The following IFIH1 variants were observed in gnomAD, a reference collection of about 807,000 sequenced individuals.
The protein encoded by IFIH1 is interferon-induced helicase C domain-containing protein 1.
A neutral mutation model predicts 107.4 loss-of-function variants in IFIH1; 125 were observed. The ratio of observed to expected loss-of-function variants is 1.16; its 90% confidence interval spans 1.01 to 1.35. The LOEUF (loss-of-function observed/expected upper bound fraction) is 1.35, where lower values mean the gene tolerates loss of function less well. Ranked by LOEUF, IFIH1 falls within the 40% of genes most tolerant of loss-of-function variation. The pLI, the probability that IFIH1 is intolerant of heterozygous loss-of-function variation, is 0.00. For synonymous variants in IFIH1, 458 were observed against 413.2 expected (o/e 1.11, Z -1.31); for missense variants, 1,333 against 1,213.7 (o/e 1.10, Z -1.46).
At chr2:162,305,431 A>G (rs1270184364) in intron 3 of IFIH1, among the ~76,000 whole-genome samples, 1 of 152,002 alleles carries the variant, frequency 6.6e-6, no homozygotes, top group Non-Finnish European at 1.5e-5. Flanking sequence ...TTAGCCGGGC[A>G]TGGTGGTGGG....
intron 3 of IFIH1, among the ~76,000 whole-genome samples, chr2:162,297,895 C>G (rs961788894): frequency 6.6e-6 from 1 of 151,942 alleles, no homozygotes; most frequent in Non-Finnish European, 1.5e-5. Flanking sequence ...AAAAAAAAAG[C>G]CTTATTTTGC....
intron 3 of IFIH1, among the ~76,000 whole-genome samples, chr2:162,294,527 A>C (rs1683051548): frequency 6.6e-6 from 1 of 151,932 alleles, no homozygotes; most frequent in African/African-American, 2.4e-5. Flanking sequence ...AGGACTTGCA[A>C]AATTTGCTAT....
At chr2:162,289,402 A>G (rs1198939170) in intron 4 of IFIH1, among the ~76,000 whole-genome samples, 1 of 151,838 alleles carries the variant, frequency 6.6e-6, no homozygotes, top group African/African-American at 2.4e-5. Context: ...CAAAAAATGC[A>G]TAGCTTATAA....
At position 162,318,078 on chromosome 2, in the gene IFIH1, C is replaced by T. The variant is rs367851471; in HGVS notation, c.230G>A (p.Arg77Gln). Reference protein sequence around the residue: ...EKGVWHLGWTREFVEALRRTG... With the variant: ...EKGVWHLGWTQEFVEALRRTG... ...TCTCCGGAGGGCCTCCACGAATTCCCGAGTCCAACCAAGGTGCCAGACTCC... is the reference window on the plus strand; with the variant it reads ...TCTCCGGAGGGCCTCCACGAATTCCTGAGTCCAACCAAGGTGCCAGACTCC... Residue 77 changes from arginine (R) to glutamine (Q), a missense_variant, in exon 1 of 16, where the codon CGG becomes CAG. Physicochemically the swap from Arg to Gln is conservative, Grantham distance 43 (BLOSUM62 1). Transcript: ENST00000649979. The T allele has an allele frequency of 1.9e-5, 31 of 1,614,038 alleles. No individual in the cohort carries two copies. Among genetic ancestry groups the T allele is most frequent in the African/African-American group, 2.7e-5 (2 of 74,916 alleles).
intron 2 of IFIH1, among the ~76,000 whole-genome samples, chr2:162,307,374 C>T (rs1315408448): frequency 1.3e-5 from 2 of 152,176 alleles, no homozygotes; most frequent in East Asian, 1.9e-4. Context: ...TTTAGCTTTG[C>T]TCTTGCCATT....
intron 11 of IFIH1, 60 bp from the exon 12 acceptor site, chr2:162,274,004 T>A: frequency 8.6e-7 from 1 of 1,158,548 alleles, no homozygotes; most frequent in Non-Finnish European, 1.2e-6. Flanking sequence ...AATCTTCTAA[T>A]TAGAGGAAGA....
intron 4 of IFIH1, among the ~76,000 whole-genome samples, chr2:162,291,145 T>C (rs1343274944): frequency 6.6e-6 from 1 of 151,768 alleles, no homozygotes; most frequent in Non-Finnish European, 1.5e-5. Context: ...TTAAAGACCT[T>C]AAAATTATAT....
chr2:162,317,765 T>G, intron 1 of IFIH1, 90 bp downstream of exon 1: 1 of 1,027,964 alleles, frequency 9.7e-7, no homozygotes. Context: ...CCCAAAGAGG[T>G]CAAGCACATT....
rs572976197 is a variant in IFIH1 at position 162,311,875 on chromosome 2, G to A, written c.454-942C>T. On this transcript the variant is annotated intron_variant, in intron 1 of 15. Coordinates refer to ENST00000649979, the MANE Select transcript of IFIH1 (RefSeq NM_022168.4). ...ATTTCAGAGTTTCTATATCTTAGCTGCATGTTAGAAACAACCGTAAAGCCT... is the reference window on the plus strand; with the variant it reads ...ATTTCAGAGTTTCTATATCTTAGCTACATGTTAGAAACAACCGTAAAGCCT... 4.6e-5 allele frequency among the ~76,000 whole-genome samples: 7 copies of A among 152,250 alleles called. No individual in the cohort carries two copies. The South Asian group carries it at 1.5e-3, about 32-fold the overall frequency.
intron 3 of IFIH1, among the ~76,000 whole-genome samples, chr2:162,295,109 T>TA (rs1329800648): frequency 6.6e-6 from 1 of 152,006 alleles, no homozygotes. Context: ...TGTATACAGT[T>TA]ACGCAACTAC....
intron 4 of IFIH1, among the ~76,000 whole-genome samples, chr2:162,293,328 C>T (rs751160450): frequency 2.6e-5 from 4 of 151,884 alleles, no homozygotes; most frequent in Non-Finnish European, 5.9e-5. Flanking sequence ...TGGAATGTGG[C>T]ATATGCCAGA....
At chr2:162,306,929 T>A in intron 2 of IFIH1, 74 bp from the exon 3 acceptor site, 5 of 1,361,456 alleles carry the variant, frequency 3.7e-6, no homozygotes, top group Non-Finnish European at 5.1e-6. Context: ...ACTGTTATTG[T>A]TATTTTGAAA....
chr2:162,316,018 G>A (rs962261800), intron 1 of IFIH1, among the ~76,000 whole-genome samples: 2 of 152,180 alleles, frequency 1.3e-5, no homozygotes, highest in Admixed American at 6.5e-5. Flanking sequence ...CAAAAGTCCC[G>A]TTACTCTATA....
rs1690939989 is a variant in IFIH1, at chr2:162,267,153, A to C, written c.*47T>G. The C allele has an allele frequency of 1.6e-6, 2 of 1,268,892 alleles. No homozygotes were observed. The highest frequency in any genetic ancestry group is 2.2e-6 in the Non-Finnish European group (2 of 906,824). The allele number at this position is 1,268,892 out of a possible 1,614,324, so 78.6% of individuals were successfully genotyped here. A position where few individuals can be genotyped will look rare whatever the true frequency, so the allele number is the denominator to read the frequency against. On this transcript the variant is annotated 3_prime_UTR_variant, in exon 16 of 16. Coordinates refer to ENST00000649979, the MANE Select transcript of IFIH1 (RefSeq NM_022168.4). The stretch of plus-strand genomic sequence containing the variant: ...TAATGAATACATTAATCATAATCAT[A>C]TTAAATGTTTAACTGATAGTATTTT...
intron 1 of IFIH1, among the ~76,000 whole-genome samples, chr2:162,314,167 C>A (rs1683428801): frequency 6.6e-6 from 1 of 152,146 alleles, no homozygotes; most frequent in African/African-American, 2.4e-5. Flanking sequence ...TTAGTTATAA[C>A]TAAGATGTAA....
intron 4 of IFIH1, among the ~76,000 whole-genome samples, chr2:162,292,702 A>G (rs776261982): frequency 6.6e-6 from 1 of 151,828 alleles, no homozygotes; most frequent in Non-Finnish European, 1.5e-5. Context: ...CATTTTTCCA[A>G]TGCTTCTTAG....
intron 7 of IFIH1, 85 bp from the exon 8 acceptor site, chr2:162,280,197 A>C: frequency 1.3e-6 from 1 of 745,766 alleles, no homozygotes; most frequent in East Asian, 2.5e-5. Context: ...CATGTAAAAA[A>C]TATGTAGCAT....
At chr2:162,286,860 C>T (rs1045230293) in intron 5 of IFIH1, among the ~76,000 whole-genome samples, 2 of 151,826 alleles carry the variant, frequency 1.3e-5, no homozygotes, top group African/African-American at 4.8e-5. Context: ...ATTACTAGGC[C>T]ATATATAATC....
chr2:162,298,649 C>T (rs1683138197), intron 3 of IFIH1, among the ~76,000 whole-genome samples: 1 of 152,092 alleles, frequency 6.6e-6, no homozygotes, highest in South Asian at 2.1e-4. Flanking sequence ...GCATGGGCTT[C>T]TCAAGTGGGC....
Sources: allele counts gnomAD v4.1 joint callset (sites outside exome capture counted in the v4.1 genomes callset), GRCh38; gene constraint gnomAD v4.1.1; transcripts MANE v1.5; gene names NCBI Gene and HGNC (gene_info 2026-07-23, HGNC 2026-07-21).